Variants in SHC3 observed in about 807,000 individuals in gnomAD.
SHC3 encodes the protein SHC adaptor protein 3.
SHC3 carries 15 observed loss-of-function variants against 60.4 expected under a neutral mutation model. The observed-to-expected ratio is 0.25, with a 90% CI of 0.17 to 0.38. The LOEUF (loss-of-function observed/expected upper bound fraction) is 0.38, where lower values mean the gene tolerates loss of function less well. SHC3 is among the 10% of genes least tolerant of loss of function. The pLI, the probability that SHC3 is intolerant of heterozygous loss-of-function variation, is 1.00. For synonymous variants in SHC3, 294 were observed against 325.9 expected, an observed-to-expected ratio of 0.90 and a Z score of 1.05; for missense variants, 677 against 786.1, an observed-to-expected ratio of 0.86 and a Z score of 1.66.
intron 1 of SHC3, among the ~76,000 whole-genome samples, chr9:89,146,797 G>A (rs923678475): frequency 6.6e-6 from 1 of 152,212 alleles, no homozygotes; most frequent in Non-Finnish European, 1.5e-5. Context: ...ACACTATCAA[G>A]TGTGGTTGAG....
At chr9:89,134,857 T>TA (rs958748389) in intron 1 of SHC3, among the ~76,000 whole-genome samples, 1 of 152,138 alleles carries the variant, frequency 6.6e-6, no homozygotes, top group Non-Finnish European at 1.5e-5. Context: ...TGGGCTGAAC[T>TA]AATAGAAGAC....
intron 11 of SHC3, chr9:89,037,585 T>C (rs1824603040): frequency 1.4e-6 from 1 of 708,314 alleles, no homozygotes; most frequent in African/African-American, 1.8e-5. Flanking sequence ...CATCACATTT[T>C]ACAGCCTTAG....
intron 1 of SHC3, among the ~76,000 whole-genome samples, chr9:89,160,149 CT>C (rs1475048776): frequency 2.0e-5 from 3 of 152,230 alleles, no homozygotes; most frequent in Non-Finnish European, 4.4e-5. Context: ...CAAATGACAG[CT>C]GATATGTAGT....
At chr9:89,121,269 G>A (rs1306404225) in intron 1 of SHC3, among the ~76,000 whole-genome samples, 1 of 151,706 alleles carries the variant, frequency 6.6e-6, no homozygotes, top group Non-Finnish European at 1.5e-5. Flanking sequence ...CAATGCAAAT[G>A]TACAAAAAGG....
chr9:89,152,044 G>T (rs1587756418), intron 1 of SHC3, among the ~76,000 whole-genome samples: 1 of 152,214 alleles, frequency 6.6e-6, no homozygotes, highest in African/African-American at 2.4e-5. Context: ...GGATTATATT[G>T]TTAGCGGAGC....
Position 89,076,196 on chromosome 9 carries a change from G to A in SHC3, c.610-968C>T, listed in dbSNP as rs115346642. ...TTCCCCTTCTTCGTTCTCAGTTGCC[G>A]TCCTAGTTCCTATAGTGGAGACTCT... On this transcript the variant is annotated intron_variant, in intron 3 of 11. Coordinates refer to ENST00000375835, the MANE Select transcript of SHC3 (RefSeq NM_016848.6). Among the ~76,000 whole-genome samples, 787 of 152,132 alleles carry A rather than the reference G, an allele frequency of 5.2e-3. 8 individuals carry two copies. Among genetic ancestry groups the A allele is most frequent in the African/African-American group, 0.018 (728 of 41,498 alleles).
At chr9:89,051,921 A>T in intron 7 of SHC3, 116 bp downstream of exon 7, 1 of 1,455,442 alleles carries the variant, frequency 6.9e-7, no homozygotes, top group Non-Finnish European at 9.3e-7. Flanking sequence ...CTCTGAGCCC[A>T]GGAAGCCCTG....
intron 11 of SHC3, among the ~76,000 whole-genome samples, chr9:89,027,358 C>T (rs1263032533): frequency 8.3e-6 from 1 of 120,598 alleles, no homozygotes; most frequent in Admixed American, 8.7e-5. Context: ...GTCTCGCTGT[C>T]GCCCAGGCTG....
chr9:89,115,902 T>C (rs1057277169), intron 1 of SHC3, among the ~76,000 whole-genome samples: 4 of 152,182 alleles, frequency 2.6e-5, no homozygotes, highest in African/African-American at 7.2e-5. Flanking sequence ...CACAGAACTA[T>C]GTGAATACAA....
chr9:89,094,313 A>C (rs1344836386), intron 2 of SHC3, among the ~76,000 whole-genome samples: 1 of 152,160 alleles, frequency 6.6e-6, no homozygotes, highest in Non-Finnish European at 1.5e-5. Context: ...TTTTTCAGGA[A>C]GCCCTGGTCA....
At chr9:89,150,005 G>A (rs1348929387) in intron 1 of SHC3, among the ~76,000 whole-genome samples, 2 of 152,134 alleles carry the variant, frequency 1.3e-5, no homozygotes, top group African/African-American at 2.4e-5. Flanking sequence ...GTACTGCAGT[G>A]CTGGTGTTCA....
At chr9:89,055,936 G>C (rs953236419) in intron 6 of SHC3, among the ~76,000 whole-genome samples, 3 of 152,152 alleles carry the variant, frequency 2.0e-5, no homozygotes, top group African/African-American at 7.2e-5. Context: ...TCTTTTAAAA[G>C]ATATCTTTTG....
chr9:89,047,748 T>C (rs1824797267), intron 7 of SHC3, among the ~76,000 whole-genome samples: 1 of 152,160 alleles, frequency 6.6e-6, no homozygotes, highest in African/African-American at 2.4e-5. Flanking sequence ...AGAAAAAGTG[T>C]TGATAAGAAC....
intron 2 of SHC3, chr9:89,109,875 A>G: frequency 1.0e-6 from 1 of 985,486 alleles, no homozygotes. Flanking sequence ...CTCCCATGAA[A>G]CATCCAACAG....
intron 2 of SHC3, among the ~76,000 whole-genome samples, chr9:89,101,737 G>A (rs938114299): frequency 5.3e-5 from 8 of 151,416 alleles, no homozygotes; most frequent in Admixed American, 2.6e-4. Flanking sequence ...TTGACATATC[G>A]CTTGATCCAA....
chr9:89,175,308 T>C (rs1450207489), intron 1 of SHC3, among the ~76,000 whole-genome samples: 1 of 152,240 alleles, frequency 6.6e-6, no homozygotes. Flanking sequence ...CATTCTGTTA[T>C]TTAGCAGCAA....
chr9:89,106,946 A>C (rs376208361), intron 2 of SHC3, among the ~76,000 whole-genome samples: 2 of 152,218 alleles, frequency 1.3e-5, no homozygotes, highest in African/African-American at 4.8e-5. Context: ...CAGAGCCCCA[A>C]TCCCTGTTTC....
intron 1 of SHC3, among the ~76,000 whole-genome samples, chr9:89,161,300 G>A (rs1163983078): frequency 2.0e-5 from 3 of 152,112 alleles, no homozygotes; most frequent in Non-Finnish European, 2.9e-5. Context: ...TCATTTAAAA[G>A]TGTAGGCGCC....
At chr9:89,092,615 CAAA>C (rs59133401) in intron 2 of SHC3, among the ~76,000 whole-genome samples, 1,938 of 67,752 alleles carry the variant, frequency 0.029, 8 homozygotes, top group Non-Finnish European at 0.04. Context: ...GACTCTGTCT[CAAA>C]AAAAAAAAAA....
Sources: gnomAD v4.1 joint callset for allele counts (sites outside exome capture counted in the v4.1 genomes callset) on GRCh38, gnomAD v4.1.1 for gene constraint, MANE v1.5 for transcripts, NCBI Gene and HGNC (gene_info 2026-07-23, HGNC 2026-07-21) for gene names.